ZNF207: variants seen among roughly 807,000 people sequenced by gnomAD.
ZNF207 encodes the protein BUB3-interacting and GLEBS motif-containing protein ZNF207.
A neutral mutation model predicts 60.2 loss-of-function variants in ZNF207; 24 were observed. The observed-to-expected ratio is 0.40, with a 90% CI of 0.29 to 0.56. The LOEUF is 0.56. Ranked by LOEUF, ZNF207 falls within the 20% of genes least tolerant of loss-of-function variation. The pLI, the probability that ZNF207 is intolerant of heterozygous loss-of-function variation, is 0.49. For missense variants in ZNF207, 452 were observed against 636.6 expected (o/e 0.71, Z 3.12); for synonymous variants, 236 against 194.7 (o/e 1.21, Z -1.77).
intron 8 of ZNF207, 59 bp downstream of exon 8, chr17:32,365,546 T>A: frequency 6.9e-7 from 1 of 1,459,628 alleles, no homozygotes; most frequent in Non-Finnish European, 9.0e-7. Context: ...TACAGTTGTT[T>A]ACAGAAGTCT....
chr17:32,352,035 T>A (rs902617132), intron 2 of ZNF207, 123 bp downstream of exon 2: 2 of 913,804 alleles, frequency 2.2e-6, no homozygotes, highest in African/African-American at 3.4e-5. Context: ...TGGTGCAATC[T>A]CGGCCCACTG....
In ZNF207 at chr17:32,379,684, A is replaced by G. The variant is rs1487524024; in HGVS notation, c.*9925A>G. 6.6e-6 allele frequency: 1 copy of G among 152,140 alleles called. No individual in the cohort carries two copies. The highest frequency in any genetic ancestry group is 1.5e-5 in the Non-Finnish European group (1 of 68,000). 9.4% of individuals were successfully genotyped at this position (152,140 alleles called of 1,614,324 possible). A position where few individuals can be genotyped will look rare whatever the true frequency, so the allele number is the denominator to read the frequency against. ...GGGTTTACCAAAATTCTTCCTGCAG[A>G]CTAGTTGCTTACAGGGTTTCTTTGA... On this transcript the variant is annotated 3_prime_UTR_variant, in exon 12 of 12. Coordinates refer to ENST00000394670, the MANE Select transcript of ZNF207 (RefSeq NM_001098507.2).
rs368580924 is a variant in ZNF207 at position 32,360,552 on chromosome 17, C to T, written c.308-46C>T. 12 of 1,520,746 alleles carry T rather than the reference C, an allele frequency of 7.9e-6. No individual in the cohort carries two copies. The Admixed American group carries it at 1.5e-4, about 19-fold the overall frequency. 94.2% of individuals were successfully genotyped at this position (1,520,746 alleles called of 1,614,324 possible). On this transcript the variant is annotated intron_variant, in intron 3 of 11. Coordinates refer to ENST00000394670, the MANE Select transcript of ZNF207 (RefSeq NM_001098507.2). ...TTAAATATTGAATGTTGTAAATAAA[C>T]TTTCTTAGTTTTTACTCTATGGAAA...
Position 32,376,727 on chromosome 17 carries a change from A to G in ZNF207, c.*6968A>G, listed in dbSNP as rs1905687406. The stretch of plus-strand genomic sequence containing the variant: ...GATGGTTAGGTTCTTTAAGAGGCAT[A>G]CAATCCGTTATGAGAATGTTTATGT... On this transcript the variant is annotated 3_prime_UTR_variant, in exon 12 of 12. Coordinates refer to ENST00000394670, the MANE Select transcript of ZNF207 (RefSeq NM_001098507.2). 1 of 152,096 alleles carries G rather than the reference A, an allele frequency of 6.6e-6. No homozygotes were observed. The highest frequency in any genetic ancestry group is 2.1e-4 in the South Asian group (1 of 4,834). 9.4% of individuals were successfully genotyped at this position (152,096 alleles called of 1,614,324 possible).
At chr17:32,361,106 G>A (rs1386005280) in intron 5 of ZNF207, 139 bp downstream of exon 5, 2 of 872,974 alleles carry the variant, frequency 2.3e-6, no homozygotes, top group Admixed American at 2.9e-5. Context: ...GTCTAATAAA[G>A]GGATCAACCA....
intron 6 of ZNF207, 67 bp downstream of exon 6, chr17:32,361,582 T>G (rs1434103792): frequency 2.2e-5 from 33 of 1,470,024 alleles, no homozygotes; most frequent in Admixed American, 3.8e-5. Flanking sequence ...ATGTGTGTGT[T>G]TAATGGTATC....
In ZNF207 at chr17:32,378,504, TTC is replaced by T. The variant is rs1905759254; in HGVS notation, c.*8747_*8748del. On this transcript the variant is annotated 3_prime_UTR_variant, in exon 12 of 12. Transcript: ENST00000394670. Reference sequence around the variant, plus strand: ...AAATACAAGTACTCCTCTATTTTTGTTCTTTTTTTGTAAACTATAACGTATCC... The same window carrying T: ...AAATACAAGTACTCCTCTATTTTTGTTTTTTTTGTAAACTATAACGTATCC... The T allele has an allele frequency of 6.6e-6, 1 of 152,082 alleles. No individual in the cohort carries two copies. The highest frequency in any genetic ancestry group is 2.4e-5 in the African/African-American group (1 of 41,440). 9.4% of individuals were successfully genotyped at this position (152,082 alleles called of 1,614,324 possible). A position where few individuals can be genotyped will look rare whatever the true frequency, so the allele number is the denominator to read the frequency against.
rs1053796462 is a variant in ZNF207, at chr17:32,370,019, A to T, written c.*260A>T. 3.1e-6 allele frequency: 1 copy of T among 320,268 alleles called. No homozygotes were observed. Among genetic ancestry groups the T allele is most frequent in the African/African-American group, 2.1e-5 (1 of 46,848 alleles). The allele number at this position is 320,268 out of a possible 1,614,324, so 19.8% of individuals were successfully genotyped here. The stretch of plus-strand genomic sequence containing the variant: ...ATCTAGGTTTTTAGAAGTGAAGTAT[A>T]GTAAATTTGGTTCGTTAAATTGTGA... On this transcript the variant is annotated 3_prime_UTR_variant, in exon 12 of 12. Transcript: ENST00000394670.
intron 6 of ZNF207, 165 bp from the exon 7 acceptor site, chr17:32,362,749 G>T: frequency 2.0e-6 from 1 of 505,952 alleles, no homozygotes; most frequent in Admixed American, 3.8e-5. Flanking sequence ...ATTTTGATAG[G>T]ATTGTTACAG....
At chr17:32,351,030 G>T (rs1461887687) in intron 1 of ZNF207, 4 of 153,154 alleles carry the variant, frequency 2.6e-5, no homozygotes, top group Admixed American at 2.6e-4. Flanking sequence ...TTCTGGAAGC[G>T]TTAATATTCT....
At chr17:32,364,166 G>A (rs1905045419) in intron 7 of ZNF207, among the ~76,000 whole-genome samples, 1 of 151,214 alleles carries the variant, frequency 6.6e-6, no homozygotes, top group South Asian at 2.1e-4. Flanking sequence ...CTCAGCACCT[G>A]GCCTCCTTTT....
chr17:32,355,725 GGAATC>G (rs751099423), intron 2 of ZNF207, among the ~76,000 whole-genome samples: 2 of 152,184 alleles, frequency 1.3e-5, no homozygotes, highest in Non-Finnish European at 2.9e-5. Flanking sequence ...GAGATTAAAA[GGAATC>G]GTCTAAGGAG....
intron 9 of ZNF207, among the ~76,000 whole-genome samples, chr17:32,367,540 T>TA (rs1905259798): frequency 6.6e-6 from 1 of 151,970 alleles, no homozygotes; most frequent in Non-Finnish European, 1.5e-5. Context: ...AAGTTAAATA[T>TA]GCAGTCTTAT....
chr17:32,368,198 A>G, intron 10 of ZNF207, 184 bp downstream of exon 10: 2 of 872,368 alleles, frequency 2.3e-6, no homozygotes, highest in Admixed American at 3.0e-5. Context: ...CAGATATTGC[A>G]TGTTTTGGTC....
intron 3 of ZNF207, among the ~76,000 whole-genome samples, chr17:32,359,455 T>G (rs575320755): frequency 6.6e-6 from 1 of 152,098 alleles, no homozygotes; most frequent in South Asian, 2.1e-4. Context: ...ACCATGTTGG[T>G]CAGGCTGGTC....
At chr17:32,367,273 A>ATGTATATG (rs1567825023) in intron 9 of ZNF207, among the ~76,000 whole-genome samples, 1 of 103,024 alleles carries the variant, frequency 9.7e-6, no homozygotes, top group Non-Finnish European at 2.1e-5. Context: ...ATATATATAT[A>ATGTATATG]TATATATATA....
chr17:32,361,892 CAAG>C (rs1197566397), intron 6 of ZNF207, among the ~76,000 whole-genome samples: 1 of 151,964 alleles, frequency 6.6e-6, no homozygotes, highest in South Asian at 2.1e-4. Flanking sequence ...AATTTTAAAT[CAAG>C]AACTGAATTT....
chr17:32,353,676 C>T (rs920806942), intron 2 of ZNF207, among the ~76,000 whole-genome samples: 22 of 880 alleles, frequency 0.025, no homozygotes, highest in East Asian at 0.042. Flanking sequence ...GCTACGGGGG[C>T]GGGGGGAGGG....
At chr17:32,352,893 T>G (rs938600063) in intron 2 of ZNF207, among the ~76,000 whole-genome samples, 2 of 152,336 alleles carry the variant, frequency 1.3e-5, no homozygotes, top group East Asian at 3.9e-4. Context: ...TTTCTAGGTT[T>G]CGGCTGGGCG....
Sources: gnomAD v4.1 joint callset for allele counts (sites outside exome capture counted in the v4.1 genomes callset) on GRCh38, gnomAD v4.1.1 for gene constraint, MANE v1.5 for transcripts, NCBI Gene and HGNC (gene_info 2026-07-23, HGNC 2026-07-21) for gene names.